The following RBMS3 variants were observed in gnomAD, a reference collection of about 807,000 sequenced individuals.
RBMS3 encodes the protein RNA binding motif single stranded interacting protein 3.
RBMS3 carries 27 observed loss-of-function variants against 66.8 expected under a neutral mutation model. The observed-to-expected ratio is 0.40, with a 90% CI of 0.30 to 0.56. The LOEUF is 0.56. RBMS3 is among the 20% of genes least tolerant of loss of function. RBMS3 has a pLI of 0.40. For synonymous variants in RBMS3, 188 were observed against 183.0 expected, an observed-to-expected ratio of 1.03 and a Z score of -0.22; for missense variants, 513 against 549.5, an observed-to-expected ratio of 0.93 and a Z score of 0.66.
At chr3:29,915,297 A>G (rs1159841098) in intron 10 of RBMS3, among the ~76,000 whole-genome samples, 1 of 151,942 alleles carries the variant, frequency 6.6e-6, no homozygotes, top group African/African-American at 2.4e-5. Flanking sequence ...AATGAGAACC[A>G]GTTTTACTGA....
chr3:29,793,135 G>A (rs971783043), intron 6 of RBMS3, among the ~76,000 whole-genome samples: 3 of 151,910 alleles, frequency 2.0e-5, no homozygotes, highest in Admixed American at 6.6e-5. Context: ...GGAGGCTGAG[G>A]CAGGAGAATT....
chr3:29,748,620 C>T (rs12493261), intron 5 of RBMS3, among the ~76,000 whole-genome samples: 70,342 of 151,952 alleles, frequency 0.46, 17,497 homozygotes, highest in African/African-American at 0.64. Context: ...CTTTAAAAAA[C>T]TACCCTGGGC....
At chr3:29,560,174 A>G (rs1318800596) in intron 3 of RBMS3, among the ~76,000 whole-genome samples, 1 of 152,206 alleles carries the variant, frequency 6.6e-6, no homozygotes, top group Non-Finnish European at 1.5e-5. Context: ...TACCAGATGG[A>G]GTTTCCTGCA....
At chr3:29,899,779 G>A in intron 10 of RBMS3, 24 bp downstream of exon 10, 2 of 1,603,642 alleles carry the variant, frequency 1.2e-6, no homozygotes, top group Admixed American at 3.4e-5. Context: ...GTCACCTGAG[G>A]CTAATATTTC....
intron 10 of RBMS3, among the ~76,000 whole-genome samples, chr3:29,918,992 ATCTTTTT>A (rs1166989776): frequency 2.0e-5 from 3 of 152,234 alleles, no homozygotes; most frequent in African/African-American, 7.2e-5. Flanking sequence ...AAAAAGCTTT[ATCTTTTT>A]TCTTTTTATA....
At chr3:29,693,634 G>A (rs1318737214) in intron 4 of RBMS3, among the ~76,000 whole-genome samples, 1 of 151,846 alleles carries the variant, frequency 6.6e-6, no homozygotes, top group Non-Finnish European at 1.5e-5. Context: ...ACTACTATTA[G>A]CATATAAGAA....
intron 4 of RBMS3, among the ~76,000 whole-genome samples, chr3:29,670,455 C>A (rs532548645): frequency 6.6e-6 from 1 of 152,072 alleles, no homozygotes; most frequent in South Asian, 2.1e-4. Flanking sequence ...GGCAGGGCAT[C>A]GCCTCACTCG....
chr3:29,326,591 T>TA (rs1188961074), intron 1 of RBMS3, among the ~76,000 whole-genome samples: 1 of 151,940 alleles, frequency 6.6e-6, no homozygotes, highest in African/African-American at 2.4e-5. Context: ...CCTTCCTCAC[T>TA]ACCTTCTGAG....
intron 4 of RBMS3, among the ~76,000 whole-genome samples, chr3:29,713,750 A>C (rs2149310128): frequency 6.6e-6 from 1 of 152,128 alleles, no homozygotes; most frequent in South Asian, 2.1e-4. Flanking sequence ...ATGGTGAAAA[A>C]CTTTGCTAAA....
At chr3:29,884,086 T>C (rs1265969685) in intron 7 of RBMS3, 76 bp from the exon 8 acceptor site, 1 of 1,228,438 alleles carries the variant, frequency 8.1e-7, no homozygotes. Context: ...TAAGAGTCTT[T>C]GTGTGTACTA....
At chr3:29,672,863 C>G (rs2051067121) in intron 4 of RBMS3, among the ~76,000 whole-genome samples, 2 of 152,166 alleles carry the variant, frequency 1.3e-5, no homozygotes, top group African/African-American at 4.8e-5. Flanking sequence ...CAACATTAGA[C>G]AGATCAACAA....
Position 30,004,195 on chromosome 3 carries a change from G to T in RBMS3, c.*333G>T. The T allele has an allele frequency of 5.0e-6, 1 of 201,502 alleles. No individual in the cohort carries two copies. The highest frequency in any genetic ancestry group is 9.8e-6 in the Non-Finnish European group (1 of 101,712). 12.5% of individuals were successfully genotyped at this position (201,502 alleles called of 1,614,324 possible). ...TTTGAATTGAATTCAGAATTTTTCT[G>T]AAGGTGTAGATACTTTTTTTTTTTT... On this transcript the variant is annotated 3_prime_UTR_variant, in exon 15 of 15. Transcript: ENST00000383767.
At chr3:29,563,443 T>C (rs1386252190) in intron 3 of RBMS3, among the ~76,000 whole-genome samples, 1 of 152,180 alleles carries the variant, frequency 6.6e-6, no homozygotes, top group Non-Finnish European at 1.5e-5. Flanking sequence ...TCCAGACATT[T>C]CTGCAGTGGG....
intron 10 of RBMS3, among the ~76,000 whole-genome samples, chr3:29,914,969 T>C (rs1389317149): frequency 1.3e-5 from 2 of 151,856 alleles, no homozygotes; most frequent in African/African-American, 4.8e-5. Context: ...AGCCTCTGCC[T>C]AGTAAAAACC....
intron 4 of RBMS3, among the ~76,000 whole-genome samples, chr3:29,694,849 C>T (rs906491107): frequency 6.6e-6 from 1 of 151,008 alleles, no homozygotes; most frequent in Non-Finnish European, 1.5e-5. Flanking sequence ...AAGCTGCATG[C>T]AAATTTTTTT....
At chr3:29,360,584 T>C (rs2037519278) in intron 1 of RBMS3, among the ~76,000 whole-genome samples, 1 of 152,072 alleles carries the variant, frequency 6.6e-6, no homozygotes, top group African/African-American at 2.4e-5. Flanking sequence ...AGAGCTGAGT[T>C]CAATTCCTGG....
chr3:29,392,756 A>C (rs1048612054), intron 1 of RBMS3, among the ~76,000 whole-genome samples: 1 of 152,146 alleles, frequency 6.6e-6, no homozygotes, highest in Non-Finnish European at 1.5e-5. Context: ...AATTGCCTTA[A>C]TATGATTGGT....
intron 1 of RBMS3, among the ~76,000 whole-genome samples, chr3:29,295,950 A>G (rs747281863): frequency 1.3e-5 from 2 of 151,732 alleles, no homozygotes; most frequent in Non-Finnish European, 2.9e-5. Context: ...TTGGCCCAAA[A>G]ATTCTGTGCC....
chr3:29,598,362 T>C (rs1370168103), intron 4 of RBMS3, among the ~76,000 whole-genome samples: 5 of 151,926 alleles, frequency 3.3e-5, no homozygotes, highest in Admixed American at 2.0e-4. Flanking sequence ...TATGCAAAAA[T>C]ACAGTAAAGA....
Sources: gnomAD v4.1 joint callset for allele counts (sites outside exome capture counted in the v4.1 genomes callset) on GRCh38, gnomAD v4.1.1 for gene constraint, MANE v1.5 for transcripts, NCBI Gene and HGNC (gene_info 2026-07-23, HGNC 2026-07-21) for gene names.